The following TMEM223 variants were observed in gnomAD, a reference collection of about 807,000 sequenced individuals.
TMEM223 encodes the protein transmembrane protein 223.
Under a neutral mutation model 14.1 loss-of-function variants are expected in TMEM223, and 14 were observed. That is an observed-to-expected ratio of 0.99 (90% confidence interval 0.66 to 1.55). The LOEUF (loss-of-function observed/expected upper bound fraction) is 1.55. TMEM223 is among the 40% of genes most tolerant of loss of function. The pLI, the probability that TMEM223 is intolerant of heterozygous loss-of-function variation, is 0.00. For synonymous variants in TMEM223, 145 were observed against 120.5 expected, an observed-to-expected ratio of 1.20 and a Z score of -1.33; for missense variants, 346 against 269.9, an observed-to-expected ratio of 1.28 and a Z score of -1.97.
exon 3 of TMEM223, chr11:62,772,111 C>A (rs1168235758): frequency 6.6e-6 from 3 of 456,094 alleles, no homozygotes; most frequent in Non-Finnish European, 1.3e-5. Flanking sequence ...AACATTTAGC[C>A]TCTGAGGTTT....
chr11:62,782,523 T>C (rs986030325), downstream of TMEM223: 21 of 1,090,340 alleles, frequency 1.9e-5, no homozygotes, highest in Non-Finnish European at 2.8e-5. Flanking sequence ...CGCCAAGGTA[T>C]TGGTTCTTCA....
Position 62,791,836 on chromosome 11 carries a change from C to A in TMEM223, c.159G>T (p.Ala53=). The change falls in exon 1 of 2, where the codon GCG becomes GCT. Residue 53 remains alanine (A), a synonymous_variant. Coordinates refer to ENST00000307366, the MANE Select transcript of TMEM223 (RefSeq NM_001080501.3). ...RFFTILGLFC[A]GQGVFWASMA... ...TGGAAGCCCAGAAGACGCCCTGGCC[C>A]GCGCAGAACAGCCCGAGGATGGTGA... 1 of 1,590,364 alleles carries A rather than the reference C, an allele frequency of 6.3e-7. No homozygotes were observed. The highest frequency in any genetic ancestry group is 2.3e-5 in the East Asian group (1 of 43,642).
At chr11:62,788,693 A>AG (rs55801439), downstream of TMEM223, among the ~76,000 whole-genome samples, 1 of 149,558 alleles carries the variant, frequency 6.7e-6, no homozygotes, top group African/African-American at 2.5e-5. Context: ...AAAAAAAAAA[A>AG]GCACCTCACA....
At chr11:62,784,182 G>A (rs903630380), downstream of TMEM223, among the ~76,000 whole-genome samples, 4 of 149,092 alleles carry the variant, frequency 2.7e-5, no homozygotes, top group East Asian at 4.0e-4. Context: ...TAGAGACGGG[G>A]TTTCACAATG....
intron 1 of TMEM223, chr11:62,775,622 G>C (rs1280113753): frequency 3.8e-6 from 3 of 790,496 alleles, no homozygotes; most frequent in East Asian, 2.7e-5. Flanking sequence ...CCTTCTCTGA[G>C]CCTCACTTTC....
At chr11:62,778,235 C>T in intron 1 of TMEM223, 1 of 1,613,876 alleles carries the variant, frequency 6.2e-7, no homozygotes, top group Non-Finnish European at 8.5e-7. Context: ...GTAGGCGGTA[C>T]TCTAAGGGGC....
chr11:62,791,554 T>G, intron 1 of TMEM223, 125 bp downstream of exon 1: 2 of 1,239,526 alleles, frequency 1.6e-6, no homozygotes, highest in Non-Finnish European at 2.2e-6. Context: ...GTGTTTCACA[T>G]TTCTGTGGGG....
chr11:62,787,453 C>A (rs768470325), downstream of TMEM223: 81 of 1,569,500 alleles, frequency 5.2e-5, no homozygotes, highest in South Asian at 8.5e-4. Flanking sequence ...CTGGCTGCAG[C>A]GCGTCGAGCT....
At chr11:62,775,846 G>T in intron 1 of TMEM223, 1 of 1,613,664 alleles carries the variant, frequency 6.2e-7, no homozygotes, top group South Asian at 1.1e-5. Context: ...GGCTCATGGC[G>T]GAGAGCACGG....
chr11:62,791,562 G>T, intron 1 of TMEM223, 117 bp downstream of exon 1: 1 of 1,276,068 alleles, frequency 7.8e-7, no homozygotes, highest in Admixed American at 2.9e-5. Flanking sequence ...CATTTCTGTG[G>T]GGTAAAGCCC....
intron 2 of TMEM223, among the ~76,000 whole-genome samples, chr11:62,772,398 C>T (rs2084155251): frequency 6.6e-6 from 1 of 151,998 alleles, no homozygotes; most frequent in African/African-American, 2.4e-5. Context: ...CGGCGTATGC[C>T]TGTAGTCCTA....
At chr11:62,789,024 G>T, downstream of TMEM223, 1 of 1,610,506 alleles carries the variant, frequency 6.2e-7, no homozygotes, top group African/African-American at 1.3e-5. Flanking sequence ...TCTCCACAGG[G>T]CTCCTTCAGT....
exon 3 of TMEM223, chr11:62,772,131 G>A: frequency 2.2e-6 from 1 of 456,224 alleles, no homozygotes; most frequent in Non-Finnish European, 4.4e-6. Flanking sequence ...TGATTTCCTT[G>A]CCTGTGAAAT....
downstream of TMEM223, chr11:62,786,184 T>G: frequency 6.5e-7 from 1 of 1,534,752 alleles, no homozygotes; most frequent in Non-Finnish European, 8.9e-7. Flanking sequence ...TAAAGGTAGG[T>G]CTTTCATGGG....
intron 1 of TMEM223, chr11:62,775,701 G>A (rs1354730141): frequency 8.0e-6 from 12 of 1,501,132 alleles, no homozygotes; most frequent in African/African-American, 1.4e-5. Flanking sequence ...GGTGTGGAGG[G>A]TGTTGGATCA....
intron 1 of TMEM223, among the ~76,000 whole-genome samples, chr11:62,780,438 G>A (rs1283601318): frequency 6.6e-6 from 1 of 152,092 alleles, no homozygotes; most frequent in Non-Finnish European, 1.5e-5. Flanking sequence ...TTGAACCTGG[G>A]AGGCAGAGGT....
downstream of TMEM223, chr11:62,787,212 G>T (rs1277967966): frequency 6.3e-7 from 1 of 1,587,938 alleles, no homozygotes; most frequent in South Asian, 1.1e-5. Context: ...CGCGCTACGT[G>T]CAGAAACTGC....
At chr11:62,783,144 T>C (rs2084242751), downstream of TMEM223, among the ~76,000 whole-genome samples, 1 of 152,238 alleles carries the variant, frequency 6.6e-6, no homozygotes, top group Admixed American at 6.5e-5. Context: ...TTGTCATACC[T>C]TTTTAGCATC....
At chr11:62,776,146 T>TG (rs1388310837) in intron 1 of TMEM223, among the ~76,000 whole-genome samples, 1 of 152,156 alleles carries the variant, frequency 6.6e-6, no homozygotes, top group African/African-American at 2.4e-5. Context: ...ACAACAGCCC[T>TG]GTTGGGCAGG....
Sources: gnomAD v4.1 joint callset for allele counts (sites outside exome capture counted in the v4.1 genomes callset) on GRCh38, gnomAD v4.1.1 for gene constraint, MANE v1.5 for transcripts, NCBI Gene and HGNC (gene_info 2026-07-23, HGNC 2026-07-21) for gene names.